Variants in TENM3 observed in about 807,000 individuals in gnomAD.
TENM3 encodes the protein teneurin-3.
TENM3 carries 63 observed loss-of-function variants against 255.1 expected under a neutral mutation model. The ratio of observed to expected loss-of-function variants is 0.25; its 90% CI spans 0.20 to 0.30. The LOEUF (loss-of-function observed/expected upper bound fraction) is 0.30, where lower values mean the gene tolerates loss of function less well. Among genes scored for constraint, TENM3 ranks in the 10% least tolerant of loss-of-function variants. TENM3 has a pLI of 1.00. For missense variants in TENM3, 2,929 were observed against 3,461.1 expected (o/e 0.85, Z 3.86); for synonymous variants, 1,306 against 1,322.3 (o/e 0.99, Z 0.27).
intron 2 of TENM3, among the ~76,000 whole-genome samples, chr4:182,334,165 A>AG (rs1463301410): frequency 8.5e-6 from 1 of 117,064 alleles, no homozygotes; most frequent in Non-Finnish European, 1.7e-5. Flanking sequence ...CTTGGAAGTC[A>AG]GAAAAAAAAA....
chr4:182,351,361 A>G (rs148764635), intron 3 of TENM3, among the ~76,000 whole-genome samples: 1 of 152,176 alleles, frequency 6.6e-6, no homozygotes, highest in Non-Finnish European at 1.5e-5. Context: ...CCAGGCATCT[A>G]TTGTTTTTTG....
chr4:182,064,827 CT>C, the TENM3 span, among the ~76,000 whole-genome samples: 1 of 152,068 alleles, frequency 6.6e-6, no homozygotes, highest in African/African-American at 2.4e-5. Flanking sequence ...GAAAATAGTG[CT>C]TTGTTCATTT....
At chr4:181,708,409 G>A in the TENM3 span, among the ~76,000 whole-genome samples, 106 of 152,208 alleles carry the variant, frequency 7.0e-4, 1 homozygote, top group East Asian at 0.016. Context: ...AAATTTTAAT[G>A]TTTTATATTA....
chr4:181,649,302 C>T, the TENM3 span, among the ~76,000 whole-genome samples: 2 of 152,222 alleles, frequency 1.3e-5, no homozygotes, highest in African/African-American at 2.4e-5. Context: ...GTGAGGCCTA[C>T]AGCCATTCTC....
chr4:181,730,939 T>C, the TENM3 span, among the ~76,000 whole-genome samples: 1 of 152,192 alleles, frequency 6.6e-6, no homozygotes, highest in African/African-American at 2.4e-5. Context: ...GTTTTCAGTA[T>C]GGAAAACGAG....
At chr4:182,588,735 A>G (rs1746303463) in intron 3 of TENM3, among the ~76,000 whole-genome samples, 2 of 152,194 alleles carry the variant, frequency 1.3e-5, no homozygotes, top group African/African-American at 4.8e-5. Context: ...ATGTTTATGT[A>G]TGTTTCTGTT....
At chr4:181,878,304 G>A in the TENM3 span, among the ~76,000 whole-genome samples, 180 of 151,776 alleles carry the variant, frequency 1.2e-3, no homozygotes, top group Non-Finnish European at 2.3e-3. Flanking sequence ...AGAAAAATGG[G>A]GGGAAAGGAA....
chr4:182,272,709 G>A (rs568538690), intron 1 of TENM3, among the ~76,000 whole-genome samples: 4 of 152,252 alleles, frequency 2.6e-5, no homozygotes, highest in African/African-American at 7.2e-5. Context: ...GGGCTCTGAC[G>A]GTGAAGAAGA....
chr4:181,956,510 G>C, the TENM3 span, among the ~76,000 whole-genome samples: 1 of 152,146 alleles, frequency 6.6e-6, no homozygotes, highest in Non-Finnish European at 1.5e-5. Flanking sequence ...AGCTAGAAGA[G>C]TATGCAGCAC....
At chr4:181,459,635 C>T in the TENM3 span, among the ~76,000 whole-genome samples, 1 of 151,840 alleles carries the variant, frequency 6.6e-6, no homozygotes, top group Non-Finnish European at 1.5e-5. Context: ...CAGGAATTGA[C>T]CACATAAGAT....
At chr4:182,143,796 A>T (rs979752553), upstream of TENM3, 1 of 152,568 alleles carries the variant, frequency 6.6e-6, no homozygotes, top group African/African-American at 2.4e-5. The surrounding 1 kb of genome is among the most constrained non-coding windows in gnomAD (Gnocchi z 4.3). Context: ...CAGAGCCGAA[A>T]GCCGGCAAGA....
At chr4:182,449,164 G>GTCGC (rs1773223649) in intron 3 of TENM3, 2 of 173,230 alleles carry the variant, frequency 1.2e-5, no homozygotes, top group Admixed American at 6.6e-5. Context: ...GCGCGGCAGG[G>GTCGC]TCGCTCGCTC....
At chr4:182,688,662 G>A (rs983688372) in intron 12 of TENM3, among the ~76,000 whole-genome samples, 2 of 152,112 alleles carry the variant, frequency 1.3e-5, no homozygotes, top group Non-Finnish European at 2.9e-5. Flanking sequence ...ACTTCTTGAT[G>A]TTCCATATTG....
At chr4:181,902,924 A>G in the TENM3 span, among the ~76,000 whole-genome samples, 2 of 152,218 alleles carry the variant, frequency 1.3e-5, no homozygotes, top group Non-Finnish European at 2.9e-5. Flanking sequence ...TGAAAGTAGC[A>G]TTCGTTGTAG....
chr4:181,868,302 GACT>G, the TENM3 span, among the ~76,000 whole-genome samples: 2 of 151,648 alleles, frequency 1.3e-5, no homozygotes, highest in Admixed American at 6.6e-5. Flanking sequence ...CCAGGATCAT[GACT>G]TCTAACACTG....
At chr4:181,600,294 C>T in the TENM3 span, among the ~76,000 whole-genome samples, 1 of 152,202 alleles carries the variant, frequency 6.6e-6, no homozygotes, top group South Asian at 2.1e-4. Context: ...TGACACAGAC[C>T]TACCTCTAAA....
At chr4:182,495,952 T>C (rs1735734556) in intron 3 of TENM3, among the ~76,000 whole-genome samples, 1 of 152,188 alleles carries the variant, frequency 6.6e-6, no homozygotes, top group African/African-American at 2.4e-5. Flanking sequence ...GGAGAATTGT[T>C]CTCTTATTTA....
At chr4:182,454,297 C>T (rs2151339958) in intron 3 of TENM3, among the ~76,000 whole-genome samples, 1 of 152,110 alleles carries the variant, frequency 6.6e-6, no homozygotes, top group East Asian at 1.9e-4. Context: ...TGTAGATCGT[C>T]AGAATGAAGG....
chr4:181,626,401 G>A, the TENM3 span, among the ~76,000 whole-genome samples: 2 of 152,166 alleles, frequency 1.3e-5, no homozygotes, highest in South Asian at 4.1e-4. Context: ...AAGAAAATTA[G>A]TCTAAGATCA....
Sources: gnomAD v4.1 joint callset for allele counts (sites outside exome capture counted in the v4.1 genomes callset) on GRCh38, gnomAD v4.1.1 for gene constraint, Gnocchi (gnomAD v3.1) non-coding constraint, MANE v1.5 for transcripts, NCBI Gene and HGNC (gene_info 2026-07-23, HGNC 2026-07-21) for gene names.